Variants in ZNF107 observed in about 807,000 individuals in gnomAD.
The protein encoded by ZNF107 is zinc finger protein 107.
In ZNF107, 19 loss-of-function variants were observed where a neutral mutation model predicts 12.3. That is an observed-to-expected ratio of 1.55 (90% confidence interval 1.08 to 2.27). The LOEUF is 2.27. Among genes scored for constraint, ZNF107 ranks in the 30% most tolerant of loss-of-function variants. ZNF107 has a pLI of 0.00. For synonymous variants in ZNF107, 317 were observed against 330.5 expected (o/e 0.96, Z 0.44); for missense variants, 958 against 979.9 (o/e 0.98, Z 0.30).
Position 64,706,619 on chromosome 7 carries a change from A to G in ZNF107, c.522A>G (p.Lys174=), listed in dbSNP as rs1790654567. ...KRRHTGNKHF[K]CKECSKSFCV... is the part of the protein sequence containing the mutation. Reference sequence around the variant, plus strand: ...GACATACAGGAAACAAACACTTCAAATGTAAAGAATGTAGCAAATCATTTT... The same window carrying G: ...GACATACAGGAAACAAACACTTCAAGTGTAAAGAATGTAGCAAATCATTTT... The change falls in exon 4 of 4, where the codon AAA becomes AAG. Residue 174 remains lysine, a synonymous_variant. Transcript: ENST00000620827. 1 of 1,613,306 alleles carries G rather than the reference A, an allele frequency of 6.2e-7. No homozygotes were observed. The highest frequency in any genetic ancestry group is 8.5e-7 in the Non-Finnish European group (1 of 1,179,632).
In ZNF107 at chr7:64,707,903, T is replaced by C; in HGVS notation, c.1806T>C (p.Phe602=). The change falls in exon 4 of 4, where the codon TTT becomes TTC. Residue 602 remains phenylalanine (F), a synonymous_variant. Transcript: ENST00000620827. ...AATGTGAAGAATTTGGCAAGGCCTT[T>C]AAACAGTCCTCACACCGTACTATAC... The part of the protein sequence containing the change: ...LNKCEEFGKA[F]KQSSHRTIHK... 1 of 1,613,802 alleles carries C rather than the reference T, an allele frequency of 6.2e-7. No individual in the cohort carries two copies. Among genetic ancestry groups the C allele is most frequent in the East Asian group, 2.2e-5 (1 of 44,842 alleles).
intron 1 of ZNF107, among the ~76,000 whole-genome samples, chr7:64,666,534 T>C (rs1298063640): frequency 6.6e-6 from 1 of 152,202 alleles, no homozygotes; most frequent in African/African-American, 2.4e-5. Context: ...CCCTGCTCAG[T>C]GACTGTGCCC....
chr7:64,700,454 C>G (rs1368439061), intron 3 of ZNF107, among the ~76,000 whole-genome samples: 5 of 146,748 alleles, frequency 3.4e-5, no homozygotes, highest in Non-Finnish European at 7.5e-5. Flanking sequence ...GAAGCAGATG[C>G]TGGCATGCAC....
At position 64,691,256 on chromosome 7, in the gene ZNF107, G is replaced by T; in HGVS notation, c.12G>T (p.Leu4=). Residue 4 remains leucine, a synonymous_variant, in exon 2 of 4, where the codon CTG becomes CTT. Transcript: ENST00000620827. The part of the protein sequence containing the change: MEP[L]TFKDVAIEFS... ...GTGTTTGTGTTTTTCAGGAACCACT[G>T]ACATTTAAAGATGTCGCCATAGAAT... The T allele has an allele frequency of 6.6e-7, 1 of 1,513,138 alleles. No homozygotes were observed. Among genetic ancestry groups the T allele is most frequent in the Non-Finnish European group, 8.8e-7 (1 of 1,131,812 alleles). The allele number at this position is 1,513,138 out of a possible 1,614,324, so 93.7% of individuals were successfully genotyped here. A position where few individuals can be genotyped will look rare whatever the true frequency, so the allele number is the denominator to read the frequency against.
chr7:64,666,322 A>T, intron 1 of ZNF107, 37 bp downstream of exon 1: 1 of 1,602,616 alleles, frequency 6.2e-7, no homozygotes, highest in Non-Finnish European at 8.5e-7. Flanking sequence ...AGAGAGGGGG[A>T]GGGGCTGGTT....
At chr7:64,671,994 A>G (rs558123094) in intron 1 of ZNF107, among the ~76,000 whole-genome samples, 1 of 151,440 alleles carries the variant, frequency 6.6e-6, no homozygotes, top group African/African-American at 2.4e-5. Context: ...CACCGTGTTA[A>G]CCAGGATGGT....
intron 1 of ZNF107, among the ~76,000 whole-genome samples, chr7:64,671,670 A>T (rs931935805): frequency 6.6e-6 from 1 of 151,902 alleles, no homozygotes; most frequent in Non-Finnish European, 1.5e-5. Flanking sequence ...GTACACATGC[A>T]GTTTGTTATA....
chr7:64,680,879 C>T (rs537354166), intron 1 of ZNF107, among the ~76,000 whole-genome samples: 5 of 152,306 alleles, frequency 3.3e-5, no homozygotes, highest in African/African-American at 1.2e-4. Context: ...AGACGAACCC[C>T]AGCCACACCA....
intron 3 of ZNF107, among the ~76,000 whole-genome samples, chr7:64,693,694 T>C (rs933782849): frequency 6.6e-6 from 1 of 152,184 alleles, no homozygotes; most frequent in African/African-American, 2.4e-5. Flanking sequence ...GTTTTTGCAG[T>C]CGGGTCTGCA....
intron 1 of ZNF107, among the ~76,000 whole-genome samples, chr7:64,680,726 GAA>G (rs554152952): frequency 6.6e-6 from 1 of 152,092 alleles, no homozygotes; most frequent in Admixed American, 6.6e-5. Flanking sequence ...CCCGACATTA[GAA>G]AAAAACTTCA....
chr7:64,691,508 G>C, intron 2 of ZNF107, 134 bp downstream of exon 2: 1 of 841,598 alleles, frequency 1.2e-6, no homozygotes, highest in Admixed American at 4.1e-5. Flanking sequence ...AAATCCTTGA[G>C]ATTTCTTTGT....
At chr7:64,685,350 A>G (rs1012236767) in intron 1 of ZNF107, among the ~76,000 whole-genome samples, 2 of 152,100 alleles carry the variant, frequency 1.3e-5, no homozygotes, top group African/African-American at 2.4e-5. Context: ...AGGTCTCCCA[A>G]ACAGCTACAT....
At chr7:64,702,994 CCTTT>C (rs750876446) in intron 3 of ZNF107, among the ~76,000 whole-genome samples, 1 of 151,904 alleles carries the variant, frequency 6.6e-6, no homozygotes, top group African/African-American at 2.4e-5. Flanking sequence ...CTTCAAGTAA[CCTTT>C]CTATTACTTT....
chr7:64,698,246 C>G (rs928715510), intron 3 of ZNF107, among the ~76,000 whole-genome samples: 10 of 151,882 alleles, frequency 6.6e-5, no homozygotes, highest in African/African-American at 2.2e-4. Flanking sequence ...TTGTCCATTT[C>G]TAAATGAAGT....
At position 64,710,458 on chromosome 7, in the gene ZNF107, C is replaced by A. The variant is rs1790847868; in HGVS notation, c.*1802C>A. ...AAGTCTATATAAATATCAGAGAATT[C>A]ACAGTAGAAATATCTAAGGTACTGA... On this transcript the variant is annotated 3_prime_UTR_variant, in exon 4 of 4. Coordinates refer to ENST00000620827, the MANE Select transcript of ZNF107 (RefSeq NM_001282359.2). 6.6e-6 allele frequency: 1 copy of A among 152,002 alleles called. No homozygotes were observed. The highest frequency in any genetic ancestry group is 1.5e-5 in the Non-Finnish European group (1 of 67,994). 9.4% of individuals were successfully genotyped at this position (152,002 alleles called of 1,614,324 possible). A position where few individuals can be genotyped will look rare whatever the true frequency, so the allele number is the denominator to read the frequency against.
At chr7:64,673,332 G>A (rs969229332) in intron 1 of ZNF107, among the ~76,000 whole-genome samples, 1 of 152,168 alleles carries the variant, frequency 6.6e-6, no homozygotes, top group South Asian at 2.1e-4. Flanking sequence ...ATGAGCCACC[G>A]CACCTGACAG....
At chr7:64,673,133 G>C (rs1180484958) in intron 1 of ZNF107, among the ~76,000 whole-genome samples, 2 of 152,004 alleles carry the variant, frequency 1.3e-5, no homozygotes, top group Non-Finnish European at 2.9e-5. Context: ...AACCTCTCCC[G>C]CCTGAGTTCA....
In ZNF107 at chr7:64,706,790, T is replaced by A. The variant is rs775664749; in HGVS notation, c.693T>A (p.Cys231Ter). The A allele has an allele frequency of 6.2e-7, 1 of 1,613,528 alleles. No homozygotes were observed. Among genetic ancestry groups the A allele is most frequent in the Non-Finnish European group, 8.5e-7 (1 of 1,179,806 alleles). ...ATACTGGAGAAAAGCCCTACAAATG[T>A]GAAGAATGTGGCAAAGCCTTTAACC... ...RIHTGEKPYK[C>*]EECGKAFNQS... The change falls in exon 4 of 4, where the codon TGT (cysteine) becomes TGA (stop). Residue 231 changes from cysteine to a stop codon, truncating the protein, a stop_gained. Coordinates refer to ENST00000620827, the MANE Select transcript of ZNF107 (RefSeq NM_001282359.2). LOFTEE classifies it low-confidence loss of function (END_TRUNC).
At chr7:64,673,412 G>T (rs1789308271) in intron 1 of ZNF107, among the ~76,000 whole-genome samples, 1 of 152,068 alleles carries the variant, frequency 6.6e-6, no homozygotes, top group Admixed American at 6.6e-5. Context: ...CATGTTTTTT[G>T]CCTACTTTTT....
Sources: gnomAD v4.1 joint callset for allele counts (sites outside exome capture counted in the v4.1 genomes callset) on GRCh38, gnomAD v4.1.1 for gene constraint, MANE v1.5 for transcripts, NCBI Gene and HGNC (gene_info 2026-07-23, HGNC 2026-07-21) for gene names.